Variants in DPP6 observed in about 807,000 individuals in gnomAD.
DPP6 encodes the protein A-type potassium channel modulatory protein DPP6.
Under a neutral mutation model 122.6 loss-of-function variants are expected in DPP6, and 69 were observed. The ratio of observed to expected loss-of-function variants is 0.56; its 90% CI spans 0.46 to 0.69. The LOEUF (loss-of-function observed/expected upper bound fraction) is 0.69, where lower values mean the gene tolerates loss of function less well. Among genes scored for constraint, DPP6 ranks in the 30% least tolerant of loss-of-function variants. DPP6 has a pLI of 0.00. For missense variants in DPP6, 928 were observed against 1,116.9 expected (o/e 0.83, Z 2.41); for synonymous variants, 418 against 433.1 (o/e 0.97, Z 0.43).
At chr7:154,199,736 A>G (rs1799068532) in intron 1 of DPP6, among the ~76,000 whole-genome samples, 2 of 151,682 alleles carry the variant, frequency 1.3e-5, no homozygotes, top group Admixed American at 1.3e-4. Context: ...CAGCCTTCTG[A>G]GTAGCTGAGA....
chr7:154,703,557 T>C (rs1840642004), intron 7 of DPP6, among the ~76,000 whole-genome samples: 1 of 150,504 alleles, frequency 6.6e-6, no homozygotes, highest in South Asian at 2.1e-4. Flanking sequence ...AGGCAGAGAT[T>C]GCATTGAGCC....
chr7:154,866,998 T>C (rs1280776198), intron 17 of DPP6, among the ~76,000 whole-genome samples: 9 of 151,804 alleles, frequency 5.9e-5, no homozygotes, highest in Non-Finnish European at 1.3e-4. Context: ...TTTTTTTTTT[T>C]CAAGGGAGTT....
At chr7:154,352,995 A>G (rs77495153) in intron 1 of DPP6, among the ~76,000 whole-genome samples, 3,113 of 152,358 alleles carry the variant, frequency 0.02, 44 homozygotes, top group Non-Finnish European at 0.035. Flanking sequence ...AACTACAAGT[A>G]TATCTCAGCA....
Position 154,052,593 on chromosome 7 carries a change from G to A in DPP6, c.-228G>A. Reference sequence around the variant, plus strand: ...CAGAGCCCCGGCTTCGCGAGCCGCCGGGGAGGGGGCGGAGGAGGCTGAGCC... The same window carrying A: ...CAGAGCCCCGGCTTCGCGAGCCGCCAGGGAGGGGGCGGAGGAGGCTGAGCC... On this transcript the variant is annotated 5_prime_UTR_variant, in exon 1 of 26. Coordinates refer to ENST00000377770, the MANE Select transcript of DPP6 (RefSeq NM_130797.4). The surrounding 1 kb of genome is among the most constrained non-coding windows in gnomAD (Gnocchi z 4.8). The A allele has an allele frequency of 2.5e-6, 3 of 1,207,322 alleles. No homozygotes were observed. Among genetic ancestry groups the A allele is most frequent in the Non-Finnish European group, 3.1e-6 (3 of 964,508 alleles). The allele number at this position is 1,207,322 out of a possible 1,614,324, so 74.8% of individuals were successfully genotyped here. A position where few individuals can be genotyped will look rare whatever the true frequency, so the allele number is the denominator to read the frequency against.
intron 1 of DPP6, among the ~76,000 whole-genome samples, chr7:153,957,626 G>A (rs1326369040): frequency 6.6e-6 from 1 of 152,168 alleles, no homozygotes; most frequent in Non-Finnish European, 1.5e-5. Flanking sequence ...CTAGTTTATG[G>A]AAGTACCAGC....
At chr7:154,668,549 G>T (rs1838347253) in intron 6 of DPP6, among the ~76,000 whole-genome samples, 1 of 151,904 alleles carries the variant, frequency 6.6e-6, no homozygotes, top group Non-Finnish European at 1.5e-5. Context: ...AAGTGATAGG[G>T]CGCTTACCTG....
At chr7:154,666,686 A>T (rs958715541) in intron 6 of DPP6, among the ~76,000 whole-genome samples, 42 of 151,800 alleles carry the variant, frequency 2.8e-4, no homozygotes, top group African/African-American at 8.7e-4. Context: ...AACCACTACT[A>T]CTCTACTCAC....
At chr7:154,314,042 A>C (rs1405971225) in intron 1 of DPP6, among the ~76,000 whole-genome samples, 1 of 152,030 alleles carries the variant, frequency 6.6e-6, no homozygotes, top group Non-Finnish European at 1.5e-5. Context: ...CATTTTATTA[A>C]TTCTTTCTGC....
chr7:154,299,919 C>G (rs1805793183), intron 1 of DPP6, among the ~76,000 whole-genome samples: 1 of 152,304 alleles, frequency 6.6e-6, no homozygotes, highest in Non-Finnish European at 1.5e-5. Flanking sequence ...CGGCTACAAA[C>G]AAACCTAATT....
At chr7:154,882,937 G>A (rs1249715013) in intron 21 of DPP6, among the ~76,000 whole-genome samples, 1 of 152,050 alleles carries the variant, frequency 6.6e-6, no homozygotes, top group Non-Finnish European at 1.5e-5. Flanking sequence ...CATGACCTGC[G>A]CTTCACGGTC....
intron 7 of DPP6, among the ~76,000 whole-genome samples, chr7:154,715,872 C>T (rs772154283): frequency 2.4e-4 from 37 of 152,200 alleles, no homozygotes; most frequent in Non-Finnish European, 3.8e-4. Flanking sequence ...AGGCATCTCA[C>T]AGTCAACCTG....
At chr7:153,805,963 G>T in the DPP6 span, among the ~76,000 whole-genome samples, 1 of 151,506 alleles carries the variant, frequency 6.6e-6, no homozygotes, top group Non-Finnish European at 1.5e-5. Context: ...TAACAAACCT[G>T]CATGTTGTGC....
intron 3 of DPP6, among the ~76,000 whole-genome samples, chr7:154,504,311 A>G (rs1002927344): frequency 2.0e-5 from 3 of 152,180 alleles, no homozygotes; most frequent in African/African-American, 7.2e-5. Context: ...GAAGACAGTT[A>G]CTGTCTGGCT....
chr7:154,445,894 A>T (rs932016837), intron 1 of DPP6, among the ~76,000 whole-genome samples: 1 of 152,150 alleles, frequency 6.6e-6, no homozygotes, highest in Non-Finnish European at 1.5e-5. Context: ...CTCCAAGATG[A>T]CCCTATACTG....
At chr7:154,474,881 C>T in intron 2 of DPP6, 58 bp from the exon 3 acceptor site, 1 of 1,298,112 alleles carries the variant, frequency 7.7e-7, no homozygotes, top group Non-Finnish European at 1.1e-6. Flanking sequence ...TGTTTATGGT[C>T]CTCTCATTTT....
At chr7:154,710,713 A>C (rs941469730) in intron 7 of DPP6, among the ~76,000 whole-genome samples, 5 of 152,234 alleles carry the variant, frequency 3.3e-5, no homozygotes, top group Admixed American at 1.3e-4. Flanking sequence ...TACGTCTACA[A>C]GGTTGCAGAT....
chr7:154,243,193 C>T (rs1318822106), intron 1 of DPP6, among the ~76,000 whole-genome samples: 3 of 152,154 alleles, frequency 2.0e-5, no homozygotes, highest in Non-Finnish European at 4.4e-5. Context: ...ATCATGAAAA[C>T]ATTTTGTCTA....
chr7:154,006,986 A>C (rs1797941260), intron 1 of DPP6, among the ~76,000 whole-genome samples: 1 of 152,192 alleles, frequency 6.6e-6, no homozygotes, highest in Admixed American at 6.5e-5. Flanking sequence ...GAAGATATTC[A>C]GCTCTTCCCA....
intron 1 of DPP6, among the ~76,000 whole-genome samples, chr7:153,975,558 AAG>A (rs201957147): frequency 2.5e-4 from 37 of 149,962 alleles, no homozygotes; most frequent in African/African-American, 6.3e-4. Flanking sequence ...AAAAAAAAAA[AAG>A]AAAATACTGC....
Sources: allele counts gnomAD v4.1 joint callset (sites outside exome capture counted in the v4.1 genomes callset), GRCh38; gene constraint gnomAD v4.1.1; non-coding constraint Gnocchi (gnomAD v3.1); transcripts MANE v1.5; gene names NCBI Gene and HGNC (gene_info 2026-07-23, HGNC 2026-07-21).